The following PEPD variants were observed in gnomAD, a reference collection of about 807,000 sequenced individuals.
PEPD encodes peptidase D, also known as xaa-Pro dipeptidase.
PEPD carries 53 observed loss-of-function variants against 60.7 expected under a neutral mutation model. That is an observed-to-expected ratio of 0.87 (90% CI 0.70 to 1.10). The LOEUF is 1.10. PEPD is among the 50% of genes least tolerant of loss of function. PEPD has a pLI of 0.00. For missense variants in PEPD, 711 were observed against 711.9 expected (o/e 1.00, Z 0.01); for synonymous variants, 267 against 284.1 (o/e 0.94, Z 0.60).
intron 1 of PEPD, among the ~76,000 whole-genome samples, chr19:33,520,717 T>C (rs1971115269): frequency 6.6e-6 from 1 of 152,162 alleles, no homozygotes; most frequent in South Asian, 2.1e-4. Flanking sequence ...TTCAGTCCAC[T>C]AGATCCCCCA....
intron 4 of PEPD, among the ~76,000 whole-genome samples, chr19:33,500,579 G>C (rs1600166356): frequency 6.6e-6 from 1 of 152,218 alleles, no homozygotes; most frequent in Non-Finnish European, 1.5e-5. Context: ...CAGGGCTCGA[G>C]ACACACGAAG....
rs113419518 is a variant in PEPD at position 33,506,883 on chromosome 19, C to G, written c.329+4145G>C. On this transcript the variant is annotated intron_variant, in intron 3 of 14. Coordinates refer to ENST00000244137, the MANE Select transcript of PEPD (RefSeq NM_000285.4). ...AAACACCCTACACACCACACACCCC[C>G]ATCACAAACACCCTACACACCACAA... Among the ~76,000 whole-genome samples the G allele has an allele frequency of 2.2e-3, 341 of 151,628 alleles. 2 individuals carry two copies. Among genetic ancestry groups the G allele is most frequent in the African/African-American group, 7.3e-3 (303 of 41,310 alleles).
At position 33,387,480 on chromosome 19, in the gene PEPD, A is replaced by G; in HGVS notation, c.1346T>C (p.Val449Ala). ...VLQRFRGFGG[V>A]RIEEDVVVTD... ...CACCACGACGTCCTCCTCGATGCGG[A>G]CCTGGGTCAAGCCGACAGACACACA... Residue 449 changes from valine to alanine, a missense_variant and splice_region_variant, in exon 15 of 15, where the codon GTC becomes GCC. Val to Ala is a moderately conservative substitution (Grantham distance 64, BLOSUM62 0). Transcript: ENST00000244137. The G allele has an allele frequency of 6.2e-7, 1 of 1,613,480 alleles. No homozygotes were observed. The highest frequency in any genetic ancestry group is 8.5e-7 in the Non-Finnish European group (1 of 1,180,024).
In PEPD at chr19:33,478,145, C is replaced by A. The variant is rs564331867; in HGVS notation, c.504-55G>T. 3 of 1,149,096 alleles carry A rather than the reference C, an allele frequency of 2.6e-6. No homozygotes were observed. The East Asian group carries it at 7.3e-5, about 28-fold the overall frequency. The allele number at this position is 1,149,096 out of a possible 1,614,324, so 71.2% of individuals were successfully genotyped here. The stretch of plus-strand genomic sequence containing the variant: ...AATCCAACGGTCTGTCATGTCCCAG[C>A]AAGAACTACCTCATTCAAGACATGC... On this transcript the variant is annotated intron_variant, in intron 6 of 14. Transcript: ENST00000244137.
chr19:33,470,368 G>A (rs1281574752), intron 7 of PEPD, among the ~76,000 whole-genome samples: 4 of 152,020 alleles, frequency 2.6e-5, no homozygotes, highest in Non-Finnish European at 5.9e-5. Context: ...CACAACTCAC[G>A]TAGGTGCAGG....
At chr19:33,434,681 C>A (rs937770522) in intron 9 of PEPD, among the ~76,000 whole-genome samples, 2 of 152,044 alleles carry the variant, frequency 1.3e-5, no homozygotes, top group African/African-American at 4.8e-5. Flanking sequence ...GCAGTAAAAC[C>A]CAACCCCATT....
rs75766592 is a variant in PEPD, at chr19:33,478,099, C to T, written c.504-9G>A. On this transcript the variant is annotated splice_polypyrimidine_tract_variant and intron_variant, in intron 6 of 14. Transcript: ENST00000244137. ...TATTGTTGACTTCGAACCTGTAGGG[C>T]GAAAAGAAATCAAGCCCATTAATCC... 4.7e-4 allele frequency: 757 copies of T among 1,603,342 alleles called. 7 individuals are homozygous for T. The East Asian group carries it at 0.012, about 25-fold the overall frequency.
At chr19:33,435,720 G>C (rs1969362977) in intron 9 of PEPD, among the ~76,000 whole-genome samples, 1 of 152,254 alleles carries the variant, frequency 6.6e-6, no homozygotes, top group South Asian at 2.1e-4. Context: ...ATGGCCGTTA[G>C]TTCTCAATCA....
chr19:33,505,109 A>T (rs1241084978), intron 3 of PEPD, among the ~76,000 whole-genome samples: 1 of 152,240 alleles, frequency 6.6e-6, no homozygotes, highest in Non-Finnish European at 1.5e-5. Context: ...TGAAATTTCA[A>T]AAAGCAGGTC....
intron 9 of PEPD, among the ~76,000 whole-genome samples, chr19:33,440,418 C>T (rs1969460620): frequency 6.6e-6 from 1 of 152,124 alleles, no homozygotes; most frequent in African/African-American, 2.4e-5. Flanking sequence ...CTCCTGGGCT[C>T]GCTGCTCCTG....
intron 9 of PEPD, among the ~76,000 whole-genome samples, chr19:33,425,501 G>A (rs1160208551): frequency 6.6e-6 from 1 of 152,136 alleles, no homozygotes; most frequent in African/African-American, 2.4e-5. Context: ...GGAAGGGGCT[G>A]CTTTTAAGTT....
intron 3 of PEPD, among the ~76,000 whole-genome samples, chr19:33,502,236 C>G (rs552704101): frequency 7.2e-5 from 11 of 152,330 alleles, no homozygotes; most frequent in Middle Eastern, 3.4e-3. Flanking sequence ...CCTCATCACA[C>G]GGGCTCTATC....
chr19:33,427,857 A>G (rs929783038), intron 9 of PEPD, among the ~76,000 whole-genome samples: 2 of 152,184 alleles, frequency 1.3e-5, no homozygotes, highest in African/African-American at 4.8e-5. Flanking sequence ...TATGACACCA[A>G]CACTACTCCC....
At chr19:33,485,766 T>C (rs189273698) in intron 6 of PEPD, among the ~76,000 whole-genome samples, 23 of 152,304 alleles carry the variant, frequency 1.5e-4, no homozygotes, top group African/African-American at 5.5e-4. Flanking sequence ...CAGGGTGATC[T>C]AAGTAAATGC....
chr19:33,406,803 C>A (rs773371223), intron 11 of PEPD, among the ~76,000 whole-genome samples: 1 of 152,148 alleles, frequency 6.6e-6, no homozygotes, highest in Non-Finnish European at 1.5e-5. Context: ...CCTGGGTGAG[C>A]GGGCACCCCA....
At chr19:33,426,726 G>C (rs572430939) in intron 9 of PEPD, among the ~76,000 whole-genome samples, 2 of 151,492 alleles carry the variant, frequency 1.3e-5, no homozygotes, top group East Asian at 3.9e-4. Context: ...AGGGAACCAG[G>C]AGGAGCTGGG....
In PEPD at chr19:33,519,185, C is replaced by T. The variant is rs112944410; in HGVS notation, c.17+2559G>A. 1.7e-3 allele frequency among the ~76,000 whole-genome samples: 253 copies of T among 152,276 alleles called. 2 individuals carry two copies. Among genetic ancestry groups the T allele is most frequent in the African/African-American group, 5.0e-3 (209 of 41,556 alleles). On this transcript the variant is annotated intron_variant, in intron 1 of 14. Transcript: ENST00000244137. Reference sequence around the variant, plus strand: ...ATGAGGGGATGGGAGGTGACCTCAGCGCACTCTGTCTCAACCTGAAGCCTA... The same window carrying T: ...ATGAGGGGATGGGAGGTGACCTCAGTGCACTCTGTCTCAACCTGAAGCCTA...
intron 6 of PEPD, among the ~76,000 whole-genome samples, chr19:33,478,683 A>G (rs1003048652): frequency 6.6e-6 from 1 of 152,162 alleles, no homozygotes; most frequent in Admixed American, 6.5e-5. Flanking sequence ...GTGCTGAAAG[A>G]TTAAAAAAAA....
Position 33,413,767 on chromosome 19 carries a change from T to C in PEPD, c.672-124A>G, listed in dbSNP as rs540499489. ...CTCCCCTGCCGTGGCCCCACAATGG[T>C]CCAAACTCTCAGTGTGAGTCTGTGA... is the stretch of plus-strand genomic sequence containing the variant. On this transcript the variant is annotated intron_variant, in intron 9 of 14. Transcript: ENST00000244137. 1.0e-5 allele frequency: 7 copies of C among 678,178 alleles called. No homozygotes were observed. The Admixed American group carries it at 1.2e-4, about 12-fold the overall frequency. 42.0% of individuals were successfully genotyped at this position (678,178 alleles called of 1,614,324 possible).
Sources: gnomAD v4.1 joint callset for allele counts (sites outside exome capture counted in the v4.1 genomes callset) on GRCh38, gnomAD v4.1.1 for gene constraint, MANE v1.5 for transcripts, NCBI Gene and HGNC (gene_info 2026-07-23, HGNC 2026-07-21) for gene names.